Variants in RAPGEF2 observed in about 807,000 individuals in gnomAD.
RAPGEF2 encodes Rap guanine nucleotide exchange factor 2, also known as PDZ domain containing guanine nucleotide exchange factor (GEF) 1.
RAPGEF2 carries 54 observed loss-of-function variants against 186.7 expected under a neutral mutation model. The ratio of observed to expected loss-of-function variants is 0.29; its 90% CI spans 0.23 to 0.36. The LOEUF is 0.36. Among genes scored for constraint, RAPGEF2 ranks in the 10% least tolerant of loss-of-function variants. The pLI is 1.00. For missense variants in RAPGEF2, 1,532 were observed against 2,045.0 expected (o/e 0.75, Z 4.84); for synonymous variants, 712 against 705.9 (o/e 1.01, Z -0.14).
chr4:159,201,365 A>G (rs1019680957), intron 3 of RAPGEF2, among the ~76,000 whole-genome samples: 3 of 152,182 alleles, frequency 2.0e-5, no homozygotes, highest in East Asian at 3.8e-4. Context: ...GCCGTGGAAC[A>G]CTTTGTTCAT....
rs34304252 is a variant in RAPGEF2 at position 159,250,665 on chromosome 4, CTTTTTTTTTTTT to C, written c.543+6884_543+6895del. Among the ~76,000 whole-genome samples, 305 of 123,040 alleles carry C rather than the reference CTTTTTTTTTTTT, an allele frequency of 2.5e-3. 8 individuals carry two copies. Among genetic ancestry groups the C allele is most frequent in the Admixed American group, 0.024 (302 of 12,420 alleles). The allele number at this position is 123,040 out of a possible 152,430, so 80.7% of individuals were successfully genotyped here. On this transcript the variant is annotated intron_variant, in intron 7 of 29. Coordinates refer to ENST00000691494, the MANE Select transcript of RAPGEF2 (RefSeq NM_001394067.2). ...CCTTTCACCAATTATTAGCACTCTT[CTTTTTTTTTTTT>C]TTTTTTTTTGGGACAGGGTCTCTTG...
At chr4:159,234,961 T>C (rs1753079023) in intron 4 of RAPGEF2, among the ~76,000 whole-genome samples, 1 of 152,148 alleles carries the variant, frequency 6.6e-6, no homozygotes, top group Non-Finnish European at 1.5e-5. Context: ...GCTTTCACCA[T>C]GTTGGCTAGG....
At chr4:159,348,718 T>C (rs1335690063) in intron 25 of RAPGEF2, among the ~76,000 whole-genome samples, 1 of 152,250 alleles carries the variant, frequency 6.6e-6, no homozygotes, top group Non-Finnish European at 1.5e-5. Context: ...ATAATGTAGA[T>C]GTCTCTGAGT....
rs1561341064 is a variant in RAPGEF2, at chr4:159,353,465, TCC to T, written c.4092-21_4092-20del. On this transcript the variant is annotated intron_variant, in intron 27 of 29. Transcript: ENST00000691494. This position sits in a 1 kb window ranked among gnomAD's most constrained non-coding sequence, Gnocchi z 4.3. ...TATCAATCTTGTTTTTTTTTTCTTT[TCC>T]ATTTCTTTTAACCACTTAGGTCCTA... 1.4e-6 allele frequency: 2 copies of T among 1,411,202 alleles called. No homozygotes were observed. The highest frequency in any genetic ancestry group is 1.4e-5 in the African/African-American group (1 of 69,044). 87.4% of individuals were successfully genotyped at this position (1,411,202 alleles called of 1,614,324 possible). A position where few individuals can be genotyped will look rare whatever the true frequency, so the allele number is the denominator to read the frequency against.
Position 159,359,967 on chromosome 4 carries a change from T to C in RAPGEF2, c.*1828T>C, listed in dbSNP as rs1459586623. 6.6e-6 allele frequency: 1 copy of C among 152,216 alleles called. No homozygotes were observed. Among genetic ancestry groups the C allele is most frequent in the Non-Finnish European group, 1.5e-5 (1 of 68,038 alleles). 9.4% of individuals were successfully genotyped at this position (152,216 alleles called of 1,614,324 possible). Reference sequence around the variant, plus strand: ...ATTAACTGGTGATTTCCTCATACTTTTGATACTACTTGTACCTGTATGTCT... The same window carrying C: ...ATTAACTGGTGATTTCCTCATACTTCTGATACTACTTGTACCTGTATGTCT... On this transcript the variant is annotated 3_prime_UTR_variant, in exon 30 of 30. Coordinates refer to ENST00000691494, the MANE Select transcript of RAPGEF2 (RefSeq NM_001394067.2).
At chr4:159,106,092 G>A (rs977199061) in intron 1 of RAPGEF2, among the ~76,000 whole-genome samples, 2 of 152,218 alleles carry the variant, frequency 1.3e-5, no homozygotes, top group Admixed American at 6.5e-5. Flanking sequence ...GTGTAGAATA[G>A]AGTAAAAACT....
chr4:159,147,227 A>G (rs73860450), intron 1 of RAPGEF2, among the ~76,000 whole-genome samples: 6,833 of 152,300 alleles, frequency 0.045, 548 homozygotes, highest in African/African-American at 0.15. Flanking sequence ...TAAAAAACAC[A>G]AAGAATTTTT....
At chr4:159,295,661 A>G (rs934094333) in intron 7 of RAPGEF2, among the ~76,000 whole-genome samples, 7 of 151,528 alleles carry the variant, frequency 4.6e-5, no homozygotes, top group African/African-American at 7.3e-5. Flanking sequence ...CAGATATCTC[A>G]GATATCTTTC....
chr4:159,146,361 C>CTTT (rs75242947), intron 1 of RAPGEF2, among the ~76,000 whole-genome samples: 1 of 137,866 alleles, frequency 7.3e-6, no homozygotes, highest in Non-Finnish European at 1.6e-5. Context: ...AAGCTTTTTT[C>CTTT]TTTTTTTTTT....
chr4:159,232,938 A>T (rs2111443452), intron 4 of RAPGEF2, among the ~76,000 whole-genome samples: 1 of 152,246 alleles, frequency 6.6e-6, no homozygotes, highest in African/African-American at 2.4e-5. Context: ...GAATCTTTTC[A>T]TGTGCATATT....
chr4:159,336,754 G>T (rs1297094788), intron 17 of RAPGEF2, among the ~76,000 whole-genome samples: 8 of 151,692 alleles, frequency 5.3e-5, no homozygotes, highest in Non-Finnish European at 2.9e-5. Context: ...AAAGTAAAGG[G>T]AAGAAATGTT....
At chr4:159,230,713 G>A (rs1055711809) in intron 4 of RAPGEF2, among the ~76,000 whole-genome samples, 1 of 152,104 alleles carries the variant, frequency 6.6e-6, no homozygotes, top group Non-Finnish European at 1.5e-5. Context: ...AATTAGAAAT[G>A]CTGATTTGTG....
At chr4:159,164,546 A>G (rs1039751192) in intron 1 of RAPGEF2, among the ~76,000 whole-genome samples, 2 of 152,146 alleles carry the variant, frequency 1.3e-5, no homozygotes, top group Admixed American at 6.5e-5. Context: ...ATTAGATATA[A>G]ATTATCTACA....
rs1468464455 is a variant in RAPGEF2, at chr4:159,353,341, A to G, written c.4092-146A>G. The stretch of plus-strand genomic sequence containing the variant: ...GCTAGACATGGCAGAACTGGCCAAT[A>G]TAAGGCAATTCAGTGCTACTTTTAT... On this transcript the variant is annotated intron_variant, in intron 27 of 29. Transcript: ENST00000691494. This position sits in a 1 kb window ranked among gnomAD's most constrained non-coding sequence, Gnocchi z 4.3. 8 of 580,300 alleles carry G rather than the reference A, an allele frequency of 1.4e-5. No homozygotes were observed. In the East Asian group the frequency reaches 2.2e-4, roughly 16 times the overall value. The allele number at this position is 580,300 out of a possible 1,614,324, so 35.9% of individuals were successfully genotyped here.
At chr4:159,188,523 G>A (rs1002747481) in intron 2 of RAPGEF2, among the ~76,000 whole-genome samples, 6 of 152,000 alleles carry the variant, frequency 3.9e-5, no homozygotes, top group Non-Finnish European at 5.9e-5. Context: ...AATTAGCGGG[G>A]CGTGTTGGCA....
At chr4:159,267,075 G>A in intron 7 of RAPGEF2, 1 of 898,980 alleles carries the variant, frequency 1.1e-6, no homozygotes, top group Non-Finnish European at 1.5e-6. Context: ...GAATATTTCA[G>A]TGTGTATAGG....
At chr4:159,165,360 A>G (rs185664766) in intron 1 of RAPGEF2, among the ~76,000 whole-genome samples, 1 of 152,278 alleles carries the variant, frequency 6.6e-6, no homozygotes, top group Admixed American at 6.5e-5. Flanking sequence ...TTTCATGTTT[A>G]TTTTAAAGTC....
At chr4:159,127,978 G>A (rs1740547192) in intron 1 of RAPGEF2, among the ~76,000 whole-genome samples, 1 of 152,136 alleles carries the variant, frequency 6.6e-6, no homozygotes, top group South Asian at 2.1e-4. Flanking sequence ...CTGAATTCTA[G>A]GCATGGTGTT....
At chr4:159,225,677 C>T (rs766694860) in intron 4 of RAPGEF2, among the ~76,000 whole-genome samples, 1 of 152,150 alleles carries the variant, frequency 6.6e-6, no homozygotes, top group African/African-American at 2.4e-5. Flanking sequence ...CTTAGCTCTT[C>T]TAGTAGATAC....
Sources: gnomAD v4.1 joint callset for allele counts (sites outside exome capture counted in the v4.1 genomes callset) on GRCh38, gnomAD v4.1.1 for gene constraint, Gnocchi (gnomAD v3.1) non-coding constraint, MANE v1.5 for transcripts, NCBI Gene and HGNC (gene_info 2026-07-23, HGNC 2026-07-21) for gene names.